PCCA: variants seen among roughly 807,000 people sequenced by gnomAD.
PCCA encodes the protein propionyl-CoA carboxylase alpha chain, mitochondrial.
PCCA carries 74 observed loss-of-function variants against 101.3 expected under a neutral mutation model. The observed-to-expected ratio is 0.73, with a 90% CI of 0.61 to 0.89. The LOEUF is 0.89. Among genes scored for constraint, PCCA ranks in the 40% least tolerant of loss-of-function variants. The pLI, the probability that PCCA is intolerant of heterozygous loss-of-function variation, is 0.00. For synonymous variants in PCCA, 294 were observed against 313.6 expected (o/e 0.94, Z 0.66); for missense variants, 891 against 907.0 (o/e 0.98, Z 0.23).
intron 18 of PCCA, among the ~76,000 whole-genome samples, chr13:100,356,872 G>A (rs2074011359): frequency 6.6e-6 from 1 of 152,092 alleles, no homozygotes; most frequent in Admixed American, 6.5e-5. Context: ...TTCATAGAAT[G>A]GATTATTTTT....
rs952423674 is a variant in PCCA at position 100,449,416 on chromosome 13, C to G, written c.1899+111C>G. ...CATTACTGCTAGATATTTAAATTAC[C>G]TCTACTTTTTTGCCTTTACAAATGA... On this transcript the variant is annotated intron_variant, in intron 21 of 23. Coordinates refer to ENST00000376285, the MANE Select transcript of PCCA (RefSeq NM_000282.4). 1.6e-5 allele frequency: 10 copies of G among 637,186 alleles called. No individual in the cohort carries two copies. In the African/African-American group the frequency reaches 1.9e-4, roughly 12 times the overall value. 39.5% of individuals were successfully genotyped at this position (637,186 alleles called of 1,614,324 possible). A position where few individuals can be genotyped will look rare whatever the true frequency, so the allele number is the denominator to read the frequency against.
intron 6 of PCCA, among the ~76,000 whole-genome samples, chr13:100,157,557 C>T (rs542081601): frequency 6.6e-6 from 1 of 152,280 alleles, no homozygotes; most frequent in Admixed American, 6.5e-5. Context: ...CACCATTACA[C>T]TGAATGAATG....
chr13:100,321,599 G>C (rs1293907072), intron 16 of PCCA, among the ~76,000 whole-genome samples: 1 of 110,678 alleles, frequency 9.0e-6, no homozygotes, highest in Non-Finnish European at 2.0e-5. Flanking sequence ...ATCTGTGTGT[G>C]TGTGTGTGTG....
chr13:100,379,700 G>A (rs1395064759), intron 19 of PCCA, among the ~76,000 whole-genome samples: 1 of 152,118 alleles, frequency 6.6e-6, no homozygotes, highest in South Asian at 2.1e-4. Flanking sequence ...GCAGGCAGGA[G>A]AGCGCTCTTG....
chr13:100,250,080 A>G (rs967235565), intron 8 of PCCA, among the ~76,000 whole-genome samples: 1 of 152,106 alleles, frequency 6.6e-6, no homozygotes, highest in African/African-American at 2.4e-5. Flanking sequence ...AACATACTTC[A>G]TAAGCTGGAA....
intron 18 of PCCA, among the ~76,000 whole-genome samples, chr13:100,365,885 G>T (rs2075112797): frequency 6.6e-6 from 1 of 152,224 alleles, no homozygotes; most frequent in South Asian, 2.1e-4. Context: ...GTCAGCTTCT[G>T]TGACTCATCA....
chr13:100,479,731 T>C (rs988742174), intron 21 of PCCA: 7 of 152,132 alleles, frequency 4.6e-5, no homozygotes, highest in Non-Finnish European at 7.3e-5. Context: ...GCAGTTCAAA[T>C]CCATGTTGCT....
intron 6 of PCCA, among the ~76,000 whole-genome samples, chr13:100,199,599 A>G (rs770161296): frequency 6.6e-6 from 1 of 152,178 alleles, no homozygotes. Flanking sequence ...GATGCCTTTG[A>G]TGAAGACTAT....
At chr13:100,268,261 G>A (rs1036615422) in intron 10 of PCCA, among the ~76,000 whole-genome samples, 47 of 152,114 alleles carry the variant, frequency 3.1e-4, no homozygotes, top group African/African-American at 1.1e-3. Flanking sequence ...CATATTGGGT[G>A]GAAATGCATA....
At chr13:100,414,701 G>A (rs994738793) in intron 19 of PCCA, among the ~76,000 whole-genome samples, 12 of 152,156 alleles carry the variant, frequency 7.9e-5, no homozygotes, top group African/African-American at 1.9e-4. Context: ...AATAACGTTG[G>A]ATGGTGGTAA....
intron 8 of PCCA, chr13:100,237,263 ACTGT>A (rs2060854659): frequency 6.6e-6 from 1 of 152,246 alleles, no homozygotes; most frequent in African/African-American, 2.4e-5. Flanking sequence ...TGTAGTTGGT[ACTGT>A]CTAAATTATT....
chr13:100,393,372 T>C (rs966007312), intron 19 of PCCA, among the ~76,000 whole-genome samples: 1 of 151,942 alleles, frequency 6.6e-6, no homozygotes, highest in African/African-American at 2.4e-5. Flanking sequence ...GTTTTTAAAG[T>C]TTTCAGCAGC....
intron 12 of PCCA, among the ~76,000 whole-genome samples, chr13:100,285,181 G>T (rs1489852689): frequency 3.3e-5 from 5 of 152,236 alleles, no homozygotes; most frequent in East Asian, 1.9e-4. Context: ...TACTGGCTTT[G>T]GCCGACTATG....
intron 19 of PCCA, among the ~76,000 whole-genome samples, chr13:100,403,328 C>A (rs1210936080): frequency 1.3e-5 from 2 of 152,176 alleles, no homozygotes; most frequent in Non-Finnish European, 2.9e-5. Flanking sequence ...TAGGCCGTTT[C>A]TCACACTGCT....
intron 10 of PCCA, among the ~76,000 whole-genome samples, chr13:100,263,433 A>G (rs1239896786): frequency 6.6e-6 from 1 of 152,226 alleles, no homozygotes; most frequent in Admixed American, 6.5e-5. Context: ...ATGAATTTTA[A>G]GTATTTTTTT....
intron 8 of PCCA, among the ~76,000 whole-genome samples, chr13:100,241,029 C>T (rs2061097081): frequency 6.6e-6 from 1 of 152,042 alleles, no homozygotes; most frequent in African/African-American, 2.4e-5. Flanking sequence ...TCTCGCCTAC[C>T]CCCTGGCCTG....
intron 18 of PCCA, among the ~76,000 whole-genome samples, chr13:100,341,724 C>T (rs1372825569): frequency 6.6e-6 from 1 of 151,906 alleles, no homozygotes; most frequent in Admixed American, 6.6e-5. Context: ...TATTCAGATC[C>T]TAATTCCTTT....
chr13:100,501,611 C>T (rs990696866), intron 21 of PCCA, among the ~76,000 whole-genome samples: 5 of 152,148 alleles, frequency 3.3e-5, no homozygotes, highest in Non-Finnish European at 7.3e-5. Context: ...TGGCAGCTCA[C>T]GCCTGTAATC....
intron 21 of PCCA, among the ~76,000 whole-genome samples, chr13:100,462,913 G>C (rs1211892150): frequency 6.6e-6 from 1 of 152,200 alleles, no homozygotes; most frequent in African/African-American, 2.4e-5. Context: ...TTCTGGGGCT[G>C]AGGTGAAGAA....
Sources: gnomAD v4.1 joint callset for allele counts (sites outside exome capture counted in the v4.1 genomes callset) on GRCh38, gnomAD v4.1.1 for gene constraint, MANE v1.5 for transcripts, NCBI Gene and HGNC (gene_info 2026-07-23, HGNC 2026-07-21) for gene names.